Variants in CHCHD3 observed in about 807,000 individuals in gnomAD.
The protein encoded by CHCHD3 is coiled-coil-helix-coiled-coil-helix domain containing 3.
CHCHD3 carries 20 observed loss-of-function variants against 38.2 expected under a neutral mutation model. That is an observed-to-expected ratio of 0.52 (90% CI 0.37 to 0.76). CHCHD3 has a LOEUF of 0.76. Among genes scored for constraint, CHCHD3 ranks in the 30% least tolerant of loss-of-function variants. The probability of loss-of-function intolerance (pLI) is 0.00; values close to 1 mark genes in which losing one functional copy is unlikely to be tolerated. For missense variants in CHCHD3, 245 were observed against 279.2 expected (o/e 0.88, Z 0.87); for synonymous variants, 82 against 100.0 (o/e 0.82, Z 1.07).
chr7:133,005,521 T>C (rs1812675629), intron 3 of CHCHD3, among the ~76,000 whole-genome samples: 1 of 152,178 alleles, frequency 6.6e-6, no homozygotes, highest in South Asian at 2.1e-4. Flanking sequence ...GAAACAAAAA[T>C]CACAAAAGTA....
At chr7:132,978,214 A>G (rs774851375) in intron 3 of CHCHD3, among the ~76,000 whole-genome samples, 1 of 152,208 alleles carries the variant, frequency 6.6e-6, no homozygotes, top group Non-Finnish European at 1.5e-5. Flanking sequence ...AATACAGAGA[A>G]AGCAGTGATT....
intron 3 of CHCHD3, among the ~76,000 whole-genome samples, chr7:132,996,609 G>A (rs575384491): frequency 1.6e-4 from 25 of 152,306 alleles, no homozygotes; most frequent in Non-Finnish European, 3.5e-4. Flanking sequence ...TAATGTCGGC[G>A]TTGCTTTGTA....
chr7:133,080,327 G>A (rs1385811024), intron 1 of CHCHD3, among the ~76,000 whole-genome samples: 2 of 152,150 alleles, frequency 1.3e-5, no homozygotes, highest in Non-Finnish European at 2.9e-5. Flanking sequence ...ACCTATCCCT[G>A]CTGTCACAGT....
intron 5 of CHCHD3, chr7:132,849,395 A>C (rs1214203310): frequency 6.6e-6 from 1 of 152,240 alleles, no homozygotes; most frequent in East Asian, 1.9e-4. Flanking sequence ...AAGTATCCCT[A>C]AATTTCTGCT....
intron 2 of CHCHD3, among the ~76,000 whole-genome samples, chr7:133,040,952 T>C (rs960800923): frequency 1.3e-5 from 2 of 152,224 alleles, no homozygotes; most frequent in African/African-American, 4.8e-5. Context: ...AGCCCTTTTA[T>C]TATTTCTAAA....
At chr7:132,906,310 T>C (rs938521462) in intron 4 of CHCHD3, among the ~76,000 whole-genome samples, 4 of 152,222 alleles carry the variant, frequency 2.6e-5, no homozygotes, top group African/African-American at 4.8e-5. Context: ...AAACAATTAG[T>C]GCTTTTTCTA....
intron 3 of CHCHD3, among the ~76,000 whole-genome samples, chr7:132,985,563 C>T: frequency 1.1e-5 from 1 of 88,696 alleles, no homozygotes; most frequent in South Asian, 3.6e-4. Context: ...GGGGGGTCAG[C>T]CCCCCTCCCG....
At chr7:133,043,718 G>A (rs781146403) in intron 2 of CHCHD3, among the ~76,000 whole-genome samples, 9 of 151,806 alleles carry the variant, frequency 5.9e-5, no homozygotes, top group Non-Finnish European at 8.8e-5. Flanking sequence ...TTGCACTTAG[G>A]GAAGTTAACT....
chr7:132,806,018 G>A (rs946399859), intron 6 of CHCHD3, among the ~76,000 whole-genome samples: 12 of 152,200 alleles, frequency 7.9e-5, no homozygotes, highest in Admixed American at 6.5e-4. Context: ...CCTGCAAGAT[G>A]TGGTGGGGAG....
intron 2 of CHCHD3, among the ~76,000 whole-genome samples, chr7:133,055,520 T>C (rs959214106): frequency 2.1e-5 from 3 of 146,194 alleles, no homozygotes; most frequent in Admixed American, 6.9e-5. Flanking sequence ...TATAATATAA[T>C]TGTTACATAT....
At chr7:132,863,904 T>C (rs1433277945) in intron 5 of CHCHD3, among the ~76,000 whole-genome samples, 1 of 152,216 alleles carries the variant, frequency 6.6e-6, no homozygotes, top group Non-Finnish European at 1.5e-5. Flanking sequence ...AAAATTAGGG[T>C]CTTACTCTAG....
At chr7:132,934,749 G>A (rs1341687190) in intron 4 of CHCHD3, among the ~76,000 whole-genome samples, 1 of 152,194 alleles carries the variant, frequency 6.6e-6, no homozygotes, top group Non-Finnish European at 1.5e-5. Flanking sequence ...TACACTGCTA[G>A]TTCATTCTAG....
chr7:133,005,665 T>A (rs1334298319), intron 3 of CHCHD3, among the ~76,000 whole-genome samples: 1 of 152,226 alleles, frequency 6.6e-6, no homozygotes, highest in Admixed American at 6.5e-5. Context: ...CATCAAGTTA[T>A]CCTTCAAAAA....
rs573599099 is a variant in CHCHD3 at position 132,920,725 on chromosome 7, T to C, written c.370-34980A>G. Among the ~76,000 whole-genome samples, 414 of 152,330 alleles carry C rather than the reference T, an allele frequency of 2.7e-3. 4 individuals are homozygous for C. Among genetic ancestry groups the C allele is most frequent in the African/African-American group, 9.4e-3 (389 of 41,570 alleles). On this transcript the variant is annotated intron_variant, in intron 4 of 7. Transcript: ENST00000262570. ...GTGCTTGGTACTTCACTTAGAATCATAGGCTTGCTATGCCTCAAAATAAGC... is the reference window on the plus strand; with the variant it reads ...GTGCTTGGTACTTCACTTAGAATCACAGGCTTGCTATGCCTCAAAATAAGC...
At chr7:133,069,371 C>G (rs1208347104) in intron 2 of CHCHD3, among the ~76,000 whole-genome samples, 2 of 152,098 alleles carry the variant, frequency 1.3e-5, no homozygotes, top group Non-Finnish European at 2.9e-5. Context: ...TCGTCTTTCT[C>G]AATTTCACAG....
chr7:133,018,819 C>T (rs1055090065), intron 3 of CHCHD3, among the ~76,000 whole-genome samples: 1 of 144,968 alleles, frequency 6.9e-6, no homozygotes, highest in Non-Finnish European at 1.5e-5. Flanking sequence ...TTCAACTGAA[C>T]AAATACTTGT....
chr7:132,879,390 C>T (rs961028896), intron 5 of CHCHD3, among the ~76,000 whole-genome samples: 6 of 152,198 alleles, frequency 3.9e-5, no homozygotes, highest in Middle Eastern at 3.4e-3. Flanking sequence ...TCATGCTGAG[C>T]CAAAACCCCA....
chr7:133,016,073 A>G (rs940651667), intron 3 of CHCHD3, among the ~76,000 whole-genome samples: 1 of 152,204 alleles, frequency 6.6e-6, no homozygotes, highest in Non-Finnish European at 1.5e-5. Context: ...CACCTCCTAC[A>G]GGCCCCACTT....
chr7:133,035,609 G>A lies in CHCHD3; in HGVS notation c.170-10982C>T, dbSNP rs748133296. On this transcript the variant is annotated intron_variant, in intron 2 of 7. Coordinates refer to ENST00000262570, the MANE Select transcript of CHCHD3 (RefSeq NM_017812.4). The surrounding 1 kb of genome is among the most constrained non-coding windows in gnomAD (Gnocchi z 4.7). ...AGGTACTGGCTGGGGGCACTATATCGGAATCAGCAAAGCTCACCCACTGCA... is the reference window on the plus strand; with the variant it reads ...AGGTACTGGCTGGGGGCACTATATCAGAATCAGCAAAGCTCACCCACTGCA... 8 of 1,612,118 alleles carry A rather than the reference G, an allele frequency of 5.0e-6. No individual in the cohort carries two copies. The highest frequency in any genetic ancestry group is 1.3e-5 in the African/African-American group (1 of 74,852).
Sources: gnomAD v4.1 joint callset for allele counts (sites outside exome capture counted in the v4.1 genomes callset) on GRCh38, gnomAD v4.1.1 for gene constraint, Gnocchi (gnomAD v3.1) non-coding constraint, MANE v1.5 for transcripts, NCBI Gene and HGNC (gene_info 2026-07-23, HGNC 2026-07-21) for gene names.